Variants in LRRC37A2 observed in about 807,000 individuals in gnomAD.
LRRC37A2 encodes leucine-rich repeat-containing protein 37A2.
A neutral mutation model predicts 68.8 loss-of-function variants in LRRC37A2; 9 were observed. The observed-to-expected ratio is 0.13, with a 90% CI of 0.08 to 0.23. LRRC37A2 has a LOEUF of 0.23. Among genes scored for constraint, LRRC37A2 ranks in the 10% least tolerant of loss-of-function variants. The pLI, the probability that LRRC37A2 is intolerant of heterozygous loss-of-function variation, is 1.00. For synonymous variants in LRRC37A2, 63 were observed against 367.6 expected, an observed-to-expected ratio of 0.17 and a Z score of 9.48; for missense variants, 168 against 950.4, an observed-to-expected ratio of 0.18 and a Z score of 10.82.
the LRRC37A2 span, chr17:46,937,719 G>C: frequency 6.6e-6 from 1 of 152,162 alleles, no homozygotes; most frequent in Admixed American, 6.5e-5. Flanking sequence ...CTCCCAGTAT[G>C]TTTCCAAGGT....
At chr17:46,985,156 G>A in the LRRC37A2 span, among the ~76,000 whole-genome samples, 2 of 152,204 alleles carry the variant, frequency 1.3e-5, no homozygotes, top group African/African-American at 4.8e-5. Context: ...GGATTGCCCT[G>A]TTCAGCCTTT....
intron 8 of LRRC37A2, among the ~76,000 whole-genome samples, chr17:46,542,526 G>GATATATATAT (rs879872588): frequency 4.8e-5 from 7 of 145,946 alleles, no homozygotes; most frequent in Admixed American, 6.7e-5. Flanking sequence ...TATATATATA[G>GATATATATAT]ATATAGATAT....
At chr17:46,939,434 G>A in the LRRC37A2 span, 35 of 992,324 alleles carry the variant, frequency 3.5e-5, no homozygotes, top group Middle Eastern at 5.2e-4. Flanking sequence ...GTTATTTCCC[G>A]GGAGTGTTCA....
At chr17:46,512,946 A>T in exon 2 of LRRC37A2, 2 of 777,460 alleles carry the variant, frequency 2.6e-6, no homozygotes, top group Non-Finnish European at 3.9e-6. Context: ...CTACTCTCCC[A>T]GCAGACCCGT....
At chr17:47,010,788 G>T in the LRRC37A2 span, 1 of 152,260 alleles carries the variant, frequency 6.6e-6, no homozygotes, top group Non-Finnish European at 1.5e-5. Flanking sequence ...ATGAAAGGGG[G>T]TGGGAACACA....
the LRRC37A2 span, among the ~76,000 whole-genome samples, chr17:46,773,229 C>T: frequency 1.3e-5 from 2 of 152,106 alleles, no homozygotes; most frequent in South Asian, 2.1e-4. Flanking sequence ...TAGAGGGGCT[C>T]TTGGGGGCAA....
At chr17:46,972,087 G>A in the LRRC37A2 span, among the ~76,000 whole-genome samples, 57 of 12,702 alleles carry the variant, frequency 4.5e-3, no homozygotes, top group Non-Finnish European at 0.16. Context: ...CTGCTTCCCC[G>A]CTTTATGTTC....
the LRRC37A2 span, chr17:46,818,554 C>T: frequency 6.2e-7 from 1 of 1,609,116 alleles, no homozygotes; most frequent in Admixed American, 1.7e-5. Flanking sequence ...CCTGGTGCCA[C>T]CGAGCAGGAG....
the LRRC37A2 span, among the ~76,000 whole-genome samples, chr17:46,490,302 T>G: frequency 6.6e-6 from 1 of 151,280 alleles, no homozygotes; most frequent in Non-Finnish European, 1.5e-5. Context: ...AAAAACAGGC[T>G]GTGGCCGGCC....
the LRRC37A2 span, among the ~76,000 whole-genome samples, chr17:47,047,932 A>T: frequency 5.9e-5 from 9 of 151,440 alleles, no homozygotes; most frequent in East Asian, 1.7e-3. Flanking sequence ...CATGACTTCT[A>T]AAATGTGACT....
chr17:46,941,806 A>T, the LRRC37A2 span: 1 of 306,398 alleles, frequency 3.3e-6, no homozygotes, highest in Non-Finnish European at 4.7e-6. Flanking sequence ...GATTGGTCTT[A>T]AACTCCTGGC....
the LRRC37A2 span, among the ~76,000 whole-genome samples, chr17:46,973,315 CTTTTTCTTTTCT>C: frequency 1.3e-5 from 2 of 151,816 alleles, no homozygotes; most frequent in Admixed American, 6.6e-5. Context: ...CTGCTTTTTT[CTTTTTCTTTTCT>C]TTTTTCTTTT....
At chr17:46,487,187 T>C in the LRRC37A2 span, 1,285 of 607,150 alleles carry the variant, frequency 2.1e-3, 371 homozygotes, top group African/African-American at 0.027. Context: ...GTAATGATAA[T>C]AATAACTCAG....
At chr17:46,753,747 C>T in the LRRC37A2 span, among the ~76,000 whole-genome samples, 26 of 152,232 alleles carry the variant, frequency 1.7e-4, no homozygotes, top group East Asian at 4.6e-3. Flanking sequence ...GAGAGTGGGG[C>T]ACTCAGGCCT....
At chr17:46,569,366 C>T in the LRRC37A2 span, among the ~76,000 whole-genome samples, 2 of 149,982 alleles carry the variant, frequency 1.3e-5, no homozygotes, top group African/African-American at 5.0e-5. Context: ...TATATATATG[C>T]CTTATCAGTT....
the LRRC37A2 span, among the ~76,000 whole-genome samples, chr17:46,908,320 G>A: frequency 4.5e-4 from 69 of 152,264 alleles, no homozygotes; most frequent in African/African-American, 1.6e-3. Flanking sequence ...CTCCTCAAGA[G>A]GGGTCCTCTC....
chr17:46,905,396 C>T, the LRRC37A2 span, among the ~76,000 whole-genome samples: 1 of 152,126 alleles, frequency 6.6e-6, no homozygotes, highest in East Asian at 1.9e-4. Flanking sequence ...TCTTAGACAG[C>T]CTGTGTCACA....
the LRRC37A2 span, chr17:46,773,681 G>T: frequency 2.8e-5 from 45 of 1,600,612 alleles, no homozygotes; most frequent in Admixed American, 3.3e-4. Flanking sequence ...TGTCGAGGAC[G>T]GGCCCAAAGA....
At chr17:46,541,408 C>T (rs1912810) in intron 8 of LRRC37A2, among the ~76,000 whole-genome samples, 1 of 148,276 alleles carries the variant, frequency 6.7e-6, no homozygotes, top group East Asian at 2.0e-4. Flanking sequence ...CATGCCACCA[C>T]ACCTGGCTAA....
Sources: gnomAD v4.1 joint callset for allele counts (sites outside exome capture counted in the v4.1 genomes callset) on GRCh38, gnomAD v4.1.1 for gene constraint, MANE v1.5 for transcripts, NCBI Gene and HGNC (gene_info 2026-07-23, HGNC 2026-07-21) for gene names.